Variants in PDE12 observed in about 807,000 individuals in gnomAD.
PDE12 encodes the protein 2',5'-phosphodiesterase 12.
A neutral mutation model predicts 45.4 loss-of-function variants in PDE12; 26 were observed. That is an observed-to-expected ratio of 0.57 (90% CI 0.42 to 0.79). The LOEUF is 0.79. Ranked by LOEUF, PDE12 falls within the 30% of genes least tolerant of loss-of-function variation. The pLI, the probability that PDE12 is intolerant of heterozygous loss-of-function variation, is 0.00. For missense variants in PDE12, 668 were observed against 790.0 expected (o/e 0.85, Z 1.85); for synonymous variants, 283 against 323.9 (o/e 0.87, Z 1.36).
the PDE12 span, chr3:57,597,814 C>T: frequency 2.6e-5 from 4 of 152,468 alleles, no homozygotes; most frequent in Non-Finnish European, 4.4e-5. Context: ...ATGCCATGAA[C>T]TTACACGTTT....
chr3:57,634,410 G>A, the PDE12 span: 4 of 361,440 alleles, frequency 1.1e-5, no homozygotes, highest in Middle Eastern at 8.3e-4. Flanking sequence ...TCCAGCCTGG[G>A]TGATAGAGTG....
At chr3:57,593,965 A>C in the PDE12 span, among the ~76,000 whole-genome samples, 1 of 152,192 alleles carries the variant, frequency 6.6e-6, no homozygotes, top group Non-Finnish European at 1.5e-5. Flanking sequence ...TATACAAAAT[A>C]CAGAAGCTGG....
At chr3:57,650,378 AAAT>A in the PDE12 span, among the ~76,000 whole-genome samples, 1 of 151,802 alleles carries the variant, frequency 6.6e-6, no homozygotes, top group Non-Finnish European at 1.5e-5. Flanking sequence ...AGTTAATAAA[AAAT>A]AATTTAATAT....
chr3:57,655,787 CA>C, the PDE12 span, among the ~76,000 whole-genome samples: 1 of 152,046 alleles, frequency 6.6e-6, no homozygotes, highest in Non-Finnish European at 1.5e-5. Flanking sequence ...TGATTCTGAC[CA>C]TTTCAGATAT....
chr3:57,647,278 G>A, the PDE12 span, among the ~76,000 whole-genome samples: 1 of 152,134 alleles, frequency 6.6e-6, no homozygotes, highest in Non-Finnish European at 1.5e-5. Context: ...AACAAGATAA[G>A]TGCCACAAAA....
chr3:57,607,594 C>T, the PDE12 span, among the ~76,000 whole-genome samples: 1 of 152,114 alleles, frequency 6.6e-6, no homozygotes, highest in Non-Finnish European at 1.5e-5. Context: ...GTGACGAATG[C>T]ACAAGCTTCA....
chr3:57,595,644 T>C, the PDE12 span, among the ~76,000 whole-genome samples: 3 of 152,188 alleles, frequency 2.0e-5, no homozygotes, highest in Non-Finnish European at 4.4e-5. Context: ...TTGATGGTAG[T>C]ACAGCTCTAA....
At position 57,556,348 on chromosome 3, in the gene PDE12, C is replaced by A. The variant is rs561983363; in HGVS notation, c.-32C>A. 1 of 1,525,378 alleles carries A rather than the reference C, an allele frequency of 6.6e-7. No homozygotes were observed. The highest frequency in any genetic ancestry group is 8.8e-7 in the Non-Finnish European group (1 of 1,134,606). 94.5% of individuals were successfully genotyped at this position (1,525,378 alleles called of 1,614,324 possible). On this transcript the variant is annotated 5_prime_UTR_variant, in exon 1 of 3. Transcript: ENST00000311180. The surrounding 1 kb of genome is among the most constrained non-coding windows in gnomAD (Gnocchi z 5.0). ...CTGACAGTAGGCCGCTGATCGGCCG[C>A]GGGTCTTGTCGACCGCTAGGCCACC...
the PDE12 span, among the ~76,000 whole-genome samples, chr3:57,642,037 G>A: frequency 2.0e-5 from 3 of 152,062 alleles, no homozygotes; most frequent in African/African-American, 4.8e-5. Flanking sequence ...ACAATTAGCC[G>A]AGCGCGGTGA....
chr3:57,617,773 C>T, the PDE12 span, among the ~76,000 whole-genome samples: 8 of 151,088 alleles, frequency 5.3e-5, no homozygotes, highest in South Asian at 4.2e-4. Flanking sequence ...AGGCTGAGGT[C>T]GGGGGACCCC....
chr3:57,560,493 T>C lies in PDE12; in HGVS notation c.*489T>C, dbSNP rs2069717454. On this transcript the variant is annotated 3_prime_UTR_variant, in exon 3 of 3. Coordinates refer to ENST00000311180, the MANE Select transcript of PDE12 (RefSeq NM_177966.7). ...GGCGTGCGCCAACATGTCTGGCTAATTTTTGTATTTTTAGTAGAAATGGGG... is the reference window on the plus strand; with the variant it reads ...GGCGTGCGCCAACATGTCTGGCTAACTTTTGTATTTTTAGTAGAAATGGGG... 2.4e-6 allele frequency: 1 copy of C among 423,136 alleles called. No homozygotes were observed. The highest frequency in any genetic ancestry group is 3.2e-6 in the Non-Finnish European group (1 of 315,734). The allele number at this position is 423,136 out of a possible 1,614,324, so 26.2% of individuals were successfully genotyped here.
the PDE12 span, among the ~76,000 whole-genome samples, chr3:57,611,154 T>A: frequency 6.6e-6 from 1 of 152,142 alleles, no homozygotes; most frequent in Admixed American, 6.6e-5. Context: ...ATTTAATAAA[T>A]GGTGCTGGGA....
the PDE12 span, among the ~76,000 whole-genome samples, chr3:57,653,131 C>A: frequency 2.0e-5 from 3 of 152,096 alleles, no homozygotes; most frequent in Non-Finnish European, 4.4e-5. Flanking sequence ...GGAAAAAAGT[C>A]TTCTGTATTG....
chr3:57,583,766 T>C, the PDE12 span: 4 of 680,122 alleles, frequency 5.9e-6, no homozygotes, highest in Non-Finnish European at 1.0e-5. Context: ...CACTGAAGAA[T>C]GTGGAAGTGG....
the PDE12 span, among the ~76,000 whole-genome samples, chr3:57,604,080 C>T: frequency 1.8e-4 from 27 of 152,078 alleles, no homozygotes; most frequent in Middle Eastern, 3.4e-3. Flanking sequence ...CCTGCCACCA[C>T]GCCTGGCTAA....
the PDE12 span, among the ~76,000 whole-genome samples, chr3:57,586,219 C>T: frequency 6.6e-6 from 1 of 152,094 alleles, no homozygotes; most frequent in African/African-American, 2.4e-5. Flanking sequence ...CATATCTGGC[C>T]GCCTGGGTTT....
chr3:57,614,121 C>T, the PDE12 span, among the ~76,000 whole-genome samples: 5 of 151,940 alleles, frequency 3.3e-5, no homozygotes, highest in Non-Finnish European at 7.4e-5. Context: ...AACAAACAGG[C>T]AGAAAATCTG....
chr3:57,577,482 T>G, the PDE12 span: 1 of 923,716 alleles, frequency 1.1e-6, no homozygotes, highest in Non-Finnish European at 1.7e-6. Flanking sequence ...GGTTAGACAT[T>G]AGGAAGAAAA....
At chr3:57,577,138 AT>A in the PDE12 span, among the ~76,000 whole-genome samples, 1 of 152,072 alleles carries the variant, frequency 6.6e-6, no homozygotes, top group Non-Finnish European at 1.5e-5. Flanking sequence ...AAAACGCTCT[AT>A]AAGAGATTTT....
Sources: gnomAD v4.1 joint callset for allele counts (sites outside exome capture counted in the v4.1 genomes callset) on GRCh38, gnomAD v4.1.1 for gene constraint, Gnocchi (gnomAD v3.1) non-coding constraint, MANE v1.5 for transcripts, NCBI Gene and HGNC (gene_info 2026-07-23, HGNC 2026-07-21) for gene names.